STK33: variants seen among roughly 807,000 people sequenced by gnomAD.
The protein encoded by STK33 is serine/threonine kinase 33.
STK33 carries 52 observed loss-of-function variants against 58.0 expected under a neutral mutation model. The ratio of observed to expected loss-of-function variants is 0.90; its 90% CI spans 0.72 to 1.13. STK33 has a LOEUF of 1.13. Ranked by LOEUF, STK33 falls within the 50% of genes most tolerant of loss-of-function variation. STK33 has a pLI of 0.00. For missense variants in STK33, 630 were observed against 604.2 expected (o/e 1.04, Z -0.45); for synonymous variants, 215 against 200.1 (o/e 1.07, Z -0.63).
At chr11:8,417,976 G>A (rs756520289) in intron 14 of STK33, among the ~76,000 whole-genome samples, 18 of 151,996 alleles carry the variant, frequency 1.2e-4, no homozygotes, top group Non-Finnish European at 2.2e-4. Context: ...ATATTTACAA[G>A]AACATCTGTT....
chr11:8,554,641 T>C (rs992629076), intron 1 of STK33, among the ~76,000 whole-genome samples: 23 of 152,286 alleles, frequency 1.5e-4, no homozygotes, highest in African/African-American at 5.5e-4. Context: ...AGGGAATACT[T>C]GTACACTGTT....
chr11:8,480,205 G>A (rs548084665), intron 2 of STK33, among the ~76,000 whole-genome samples: 2 of 152,294 alleles, frequency 1.3e-5, no homozygotes, highest in African/African-American at 4.8e-5. Flanking sequence ...AAAGATAAAA[G>A]GAAAGACTAT....
At chr11:8,554,967 C>T (rs1227470345) in intron 1 of STK33, 1 of 152,024 alleles carries the variant, frequency 6.6e-6, no homozygotes, top group Non-Finnish European at 1.5e-5. Flanking sequence ...GTGGATAAGC[C>T]TGGGGGACAT....
At chr11:8,569,242 T>G (rs927253932) in intron 1 of STK33, among the ~76,000 whole-genome samples, 1 of 152,232 alleles carries the variant, frequency 6.6e-6, no homozygotes, top group Non-Finnish European at 1.5e-5. Context: ...TACCTTGTTT[T>G]AAGACTCACT....
chr11:8,487,714 A>G (rs1950289526), intron 1 of STK33, among the ~76,000 whole-genome samples: 3 of 152,180 alleles, frequency 2.0e-5, no homozygotes, highest in Admixed American at 1.3e-4. Context: ...GATGAAGACT[A>G]AAAAATTATA....
At chr11:8,400,208 C>T (rs1590750868) in intron 15 of STK33, among the ~76,000 whole-genome samples, 1 of 152,098 alleles carries the variant, frequency 6.6e-6, no homozygotes, top group Non-Finnish European at 1.5e-5. Flanking sequence ...AACATTGATG[C>T]AAAAATCCTC....
intron 1 of STK33, among the ~76,000 whole-genome samples, chr11:8,490,682 C>G (rs1050624369): frequency 1.3e-5 from 2 of 152,124 alleles, no homozygotes; most frequent in Non-Finnish European, 2.9e-5. Flanking sequence ...TGATTGACAC[C>G]TCATACAGGC....
chr11:8,452,892 G>A lies in STK33; in HGVS notation c.801C>T (p.Gly267=). ...TCCTACTTTGCTTCTTCACCGCTAA[G>A]CCAAAATCAGTCACCTGGGAGAAGA... The part of the protein sequence containing the change: ...INLNIKVTDF[G]LAVKKQSRSE... Residue 267 remains glycine (G), a synonymous_variant, in exon 11 of 16, where the codon GGC becomes GGT. Transcript: ENST00000687296. 1 of 1,614,102 alleles carries A rather than the reference G, an allele frequency of 6.2e-7. No homozygotes were observed. Among genetic ancestry groups the A allele is most frequent in the African/African-American group, 1.3e-5 (1 of 75,038 alleles).
intron 1 of STK33, among the ~76,000 whole-genome samples, chr11:8,582,351 C>T (rs575253294): frequency 9.9e-5 from 15 of 152,110 alleles, no homozygotes; most frequent in Admixed American, 8.5e-4. Flanking sequence ...TGTTTTCATA[C>T]GGCTATAAAG....
intron 1 of STK33, among the ~76,000 whole-genome samples, chr11:8,524,576 T>C (rs989509359): frequency 6.6e-6 from 1 of 152,136 alleles, no homozygotes; most frequent in Admixed American, 6.5e-5. Context: ...TGAACTATCT[T>C]AACACAATGT....
chr11:8,558,591 T>G (rs1956923200), intron 1 of STK33, among the ~76,000 whole-genome samples: 1 of 152,178 alleles, frequency 6.6e-6, no homozygotes, highest in African/African-American at 2.4e-5. Flanking sequence ...GAAGGTTATC[T>G]GAAATCAGAA....
the STK33 span, among the ~76,000 whole-genome samples, chr11:8,378,262 T>C: frequency 2.3e-4 from 35 of 152,356 alleles, 1 homozygote; most frequent in South Asian, 6.6e-3. Flanking sequence ...TTCAAGCCTG[T>C]AATCCCAGCA....
chr11:8,346,149 A>G, the STK33 span, among the ~76,000 whole-genome samples: 6 of 152,212 alleles, frequency 3.9e-5, 1 homozygote, highest in South Asian at 1.2e-3. Context: ...CGTGCCCTGG[A>G]GCTAGGAACA....
intron 15 of STK33, 93 bp from the exon 16 acceptor site, chr11:8,392,803 A>G: frequency 3.1e-6 from 4 of 1,281,254 alleles, no homozygotes; most frequent in Non-Finnish European, 4.4e-6. Context: ...CAGGATTTGC[A>G]AGTTGGAGCC....
chr11:8,517,322 T>C lies in STK33; in HGVS notation c.-465-36708A>G, dbSNP rs564925368. 1.5e-3 allele frequency among the ~76,000 whole-genome samples: 232 copies of C among 152,122 alleles called. 2 individuals carry two copies. Among genetic ancestry groups the C allele is most frequent in the African/African-American group, 5.5e-3 (227 of 41,514 alleles). On this transcript the variant is annotated intron_variant, in intron 1 of 15. Transcript: ENST00000687296. ...ACAGAAAGGACATCCACACCAAAAC[T>C]CCATCTGTACGTCACCATCACCAAA... is the stretch of plus-strand genomic sequence containing the variant.
the STK33 span, among the ~76,000 whole-genome samples, chr11:8,372,573 T>C: frequency 4.0e-4 from 61 of 152,246 alleles, no homozygotes; most frequent in Non-Finnish European, 7.5e-4. Flanking sequence ...ACAGTGAACC[T>C]TTGGCGCTTA....
At chr11:8,455,989 C>T (rs1946816645) in intron 9 of STK33, among the ~76,000 whole-genome samples, 1 of 152,054 alleles carries the variant, frequency 6.6e-6, no homozygotes, top group African/African-American at 2.4e-5. Context: ...TACATAAATA[C>T]CACACAGCTT....
intron 6 of STK33, 102 bp downstream of exon 6, chr11:8,473,061 C>T (rs1948930115): frequency 4.4e-6 from 3 of 686,846 alleles, no homozygotes; most frequent in African/African-American, 1.8e-5. Context: ...CTTTTCTTTA[C>T]TTCCTTTCCT....
intron 1 of STK33, among the ~76,000 whole-genome samples, chr11:8,484,105 A>G (rs1950040445): frequency 6.6e-6 from 1 of 152,194 alleles, no homozygotes; most frequent in Admixed American, 6.5e-5. Context: ...GTTTGTACTC[A>G]TGCTAAAGTA....
Sources: allele counts gnomAD v4.1 joint callset (sites outside exome capture counted in the v4.1 genomes callset), GRCh38; gene constraint gnomAD v4.1.1; transcripts MANE v1.5; gene names NCBI Gene and HGNC (gene_info 2026-07-23, HGNC 2026-07-21).